ERBIN: variants seen among roughly 807,000 people sequenced by gnomAD.
The protein encoded by ERBIN is densin-180-like protein.
A neutral mutation model predicts 158.4 loss-of-function variants in ERBIN; 60 were observed. That is an observed-to-expected ratio of 0.38 (90% CI 0.31 to 0.47). The LOEUF (loss-of-function observed/expected upper bound fraction) is 0.47. Ranked by LOEUF, ERBIN falls within the 20% of genes least tolerant of loss-of-function variation. The probability of loss-of-function intolerance (pLI) is 0.99; values close to 1 mark genes in which losing one functional copy is unlikely to be tolerated. For synonymous variants in ERBIN, 594 were observed against 557.2 expected, an observed-to-expected ratio of 1.07 and a Z score of -0.93; for missense variants, 1,610 against 1,648.0, an observed-to-expected ratio of 0.98 and a Z score of 0.40.
At chr5:65,956,313 T>G (rs1232608260) in intron 1 of ERBIN, among the ~76,000 whole-genome samples, 1 of 152,002 alleles carries the variant, frequency 6.6e-6, no homozygotes, top group Non-Finnish European at 1.5e-5. Context: ...CATGCATTCA[T>G]TTACTTATCT....
At chr5:65,941,014 T>TA (rs761164940) in intron 1 of ERBIN, among the ~76,000 whole-genome samples, 3 of 152,186 alleles carry the variant, frequency 2.0e-5, no homozygotes, top group African/African-American at 7.2e-5. Flanking sequence ...TCGGTGACCC[T>TA]ACCCCCAACC....
chr5:66,054,995 T>C, intron 21 of ERBIN, 44 bp downstream of exon 21: 1 of 1,486,900 alleles, frequency 6.7e-7, no homozygotes, highest in Non-Finnish European at 8.9e-7. Flanking sequence ...ATGAACTTAA[T>C]TATTTTCCTT....
chr5:66,029,414 T>A (rs1465553024), intron 14 of ERBIN, among the ~76,000 whole-genome samples: 1 of 152,232 alleles, frequency 6.6e-6, no homozygotes, highest in Non-Finnish European at 1.5e-5. Flanking sequence ...CATATGATAC[T>A]CATGAACTCC....
chr5:66,060,037 A>G (rs185353145), intron 21 of ERBIN, among the ~76,000 whole-genome samples: 1 of 152,194 alleles, frequency 6.6e-6, no homozygotes, highest in Non-Finnish European at 1.5e-5. Flanking sequence ...TCGTATCAGG[A>G]TGATGCTGGC....
At chr5:65,973,949 C>A (rs1374249184) in intron 1 of ERBIN, among the ~76,000 whole-genome samples, 1 of 151,234 alleles carries the variant, frequency 6.6e-6, no homozygotes, top group African/African-American at 2.5e-5. Context: ...TAAAAGTGGG[C>A]TGAGGCCAGG....
At chr5:65,958,180 C>T (rs1385991336) in intron 1 of ERBIN, among the ~76,000 whole-genome samples, 9 of 149,834 alleles carry the variant, frequency 6.0e-5, no homozygotes, top group Admixed American at 1.3e-4. Flanking sequence ...AGACGATGGG[C>T]GGCCAGGCAG....
intron 1 of ERBIN, among the ~76,000 whole-genome samples, chr5:65,938,012 T>C (rs1038825714): frequency 2.2e-4 from 33 of 152,338 alleles, no homozygotes; most frequent in Non-Finnish European, 4.3e-4. Flanking sequence ...GCATATCTCT[T>C]TCTAGGAAGA....
chr5:66,046,954 A>T (rs1327339646), intron 18 of ERBIN, among the ~76,000 whole-genome samples: 1 of 150,618 alleles, frequency 6.6e-6, no homozygotes, highest in African/African-American at 2.5e-5. Context: ...AACTTTTTTT[A>T]AAAAACAGCT....
At position 66,028,267 on chromosome 5, in the gene ERBIN, C is replaced by T. The variant is rs1194284049; in HGVS notation, c.1137-7C>T. ...GTTTAATTTTTGTTTGTATTTTTTT[C>T]CTACAGATTAAAGAATTTACCCTTT... On this transcript the variant is annotated splice_region_variant and splice_polypyrimidine_tract_variant and intron_variant, in intron 13 of 25. Transcript: ENST00000284037. 1.9e-5 allele frequency: 31 copies of T among 1,594,328 alleles called. No homozygotes were observed. The highest frequency in any genetic ancestry group is 2.7e-5 in the Non-Finnish European group (31 of 1,168,502).
chr5:66,061,977 T>C (rs1760432874), intron 21 of ERBIN, among the ~76,000 whole-genome samples: 1 of 152,234 alleles, frequency 6.6e-6, no homozygotes, highest in Non-Finnish European at 1.5e-5. Context: ...GCCCTTAACA[T>C]TTTTTCCTTC....
At chr5:65,934,063 A>AT (rs1743777190) in intron 1 of ERBIN, among the ~76,000 whole-genome samples, 1 of 152,086 alleles carries the variant, frequency 6.6e-6, no homozygotes, top group African/African-American at 2.4e-5. Flanking sequence ...CGCCTGGCTA[A>AT]TTTTTTGTAT....
intron 4 of ERBIN, 36 bp from the exon 5 acceptor site, chr5:66,012,013 A>C: frequency 1.5e-6 from 2 of 1,346,314 alleles, no homozygotes; most frequent in Admixed American, 1.9e-5. Context: ...GTCCTTTGTA[A>C]TAGATCTTTT....
chr5:65,939,366 G>C (rs974800518), intron 1 of ERBIN, among the ~76,000 whole-genome samples: 1 of 152,134 alleles, frequency 6.6e-6, no homozygotes, highest in African/African-American at 2.4e-5. Flanking sequence ...GAACCCGGGG[G>C]GCAGAGGTTG....
chr5:65,940,483 C>CCG, intron 1 of ERBIN, among the ~76,000 whole-genome samples: 1 of 130,234 alleles, frequency 7.7e-6, no homozygotes, highest in South Asian at 2.5e-4. Context: ...CAGTCCCCCC[C>CCG]CCCCCGGCCA....
At chr5:66,069,863 A>G (rs1465461494) in intron 21 of ERBIN, among the ~76,000 whole-genome samples, 2 of 152,060 alleles carry the variant, frequency 1.3e-5, no homozygotes, top group East Asian at 3.9e-4. Flanking sequence ...ATTTTAATAT[A>G]TCCCTGGCTT....
chr5:65,990,722 A>G (rs1460750068), intron 2 of ERBIN, among the ~76,000 whole-genome samples: 2 of 152,108 alleles, frequency 1.3e-5, no homozygotes, highest in African/African-American at 4.8e-5. Flanking sequence ...AACTTAGCAC[A>G]GTGCCTGGTA....
intron 15 of ERBIN, among the ~76,000 whole-genome samples, chr5:66,042,621 T>A (rs1330221311): frequency 2.0e-5 from 3 of 152,126 alleles, no homozygotes; most frequent in African/African-American, 7.2e-5. Context: ...TGATAGAATA[T>A]ATAAGTGTTG....
intron 1 of ERBIN, among the ~76,000 whole-genome samples, chr5:65,958,964 AAGT>A (rs1293712962): frequency 6.6e-6 from 1 of 152,224 alleles, no homozygotes; most frequent in Non-Finnish European, 1.5e-5. Flanking sequence ...AACCTATCAT[AAGT>A]GGAAAATATT....
intron 18 of ERBIN, among the ~76,000 whole-genome samples, chr5:66,047,469 A>G (rs1240032855): frequency 1.3e-5 from 2 of 152,044 alleles, no homozygotes; most frequent in Admixed American, 6.6e-5. Context: ...ATATATTTTC[A>G]TGAATGAAAA....
Sources: gnomAD v4.1 joint callset for allele counts (sites outside exome capture counted in the v4.1 genomes callset) on GRCh38, gnomAD v4.1.1 for gene constraint, MANE v1.5 for transcripts, NCBI Gene and HGNC (gene_info 2026-07-23, HGNC 2026-07-21) for gene names.